ZNF626: variants seen among roughly 807,000 people sequenced by gnomAD.
The protein encoded by ZNF626 is CTC-513N18.7.
Under a neutral mutation model 11.7 loss-of-function variants are expected in ZNF626, and 4 were observed. That is an observed-to-expected ratio of 0.34 (90% CI 0.17 to 0.78). ZNF626 has a LOEUF of 0.78. ZNF626 is among the 30% of genes least tolerant of loss of function. ZNF626 has a pLI of 0.57. For synonymous variants in ZNF626, 179 were observed against 198.6 expected (o/e 0.90, Z 0.83); for missense variants, 588 against 587.1 (o/e 1.00, Z -0.01).
chr19:20,632,521 G>T (rs1199227677), intron 3 of ZNF626, among the ~76,000 whole-genome samples: 6 of 151,840 alleles, frequency 4.0e-5, no homozygotes, highest in Non-Finnish European at 7.4e-5. Flanking sequence ...TTCTCTTCTC[G>T]CTTCATTTCA....
chr19:20,638,497 T>G (rs1969989903), intron 3 of ZNF626, among the ~76,000 whole-genome samples: 1 of 151,468 alleles, frequency 6.6e-6, no homozygotes, highest in African/African-American at 2.4e-5. Flanking sequence ...TGAGTGGTTT[T>G]TTTAAAAAGC....
intron 3 of ZNF626, among the ~76,000 whole-genome samples, chr19:20,625,861 G>T (rs1367912490): frequency 6.6e-6 from 1 of 152,074 alleles, no homozygotes; most frequent in African/African-American, 2.4e-5. Context: ...AGTTGTGAAG[G>T]GCCCCAGGTG....
chr19:20,628,500 T>C (rs1969865988), intron 3 of ZNF626, among the ~76,000 whole-genome samples: 1 of 152,226 alleles, frequency 6.6e-6, no homozygotes, highest in Non-Finnish European at 1.5e-5. Flanking sequence ...TATCTCATTG[T>C]GGTTTTGATT....
In ZNF626 at chr19:20,622,946, C is replaced by G. The variant is rs2033271; in HGVS notation, c.*1344G>C. ...TCCAAATTCATTACATTTGCAGGACCCTTCTCCAATATAAGTTCTCTGATG... is the reference window on the plus strand; with the variant it reads ...TCCAAATTCATTACATTTGCAGGACGCTTCTCCAATATAAGTTCTCTGATG... On this transcript the variant is annotated 3_prime_UTR_variant, in exon 4 of 4. Transcript: ENST00000601440. 1 of 151,588 alleles carries G rather than the reference C, an allele frequency of 6.6e-6. No homozygotes were observed. Among genetic ancestry groups the G allele is most frequent in the South Asian group, 2.1e-4 (1 of 4,814 alleles). The allele number at this position is 151,588 out of a possible 1,614,324, so 9.4% of individuals were successfully genotyped here.
chr19:20,661,161 G>A (rs1192495314), intron 1 of ZNF626, among the ~76,000 whole-genome samples: 1 of 151,938 alleles, frequency 6.6e-6, no homozygotes, highest in East Asian at 1.9e-4. Context: ...CCTGGTCCCT[G>A]CACAATCTGG....
At chr19:20,632,273 T>C (rs1431990039) in intron 3 of ZNF626, among the ~76,000 whole-genome samples, 1 of 152,172 alleles carries the variant, frequency 6.6e-6, no homozygotes, top group African/African-American at 2.4e-5. Context: ...TGTCTTGGAA[T>C]TCCTCTTCTC....
At chr19:20,626,009 T>C (rs918049799) in intron 3 of ZNF626, among the ~76,000 whole-genome samples, 2 of 152,146 alleles carry the variant, frequency 1.3e-5, no homozygotes, top group African/African-American at 4.8e-5. Context: ...ACGCCTGTAG[T>C]CCCAGCATGT....
intron 1 of ZNF626, 104 bp from the exon 2 acceptor site, chr19:20,646,509 T>C (rs782049844): frequency 2.9e-5 from 46 of 1,567,010 alleles, no homozygotes; most frequent in South Asian, 1.5e-4. Flanking sequence ...TTCTGACTTA[T>C]AGGACTGACT....
At chr19:20,630,286 G>T (rs762068739) in intron 3 of ZNF626, among the ~76,000 whole-genome samples, 14 of 152,112 alleles carry the variant, frequency 9.2e-5, no homozygotes, top group Non-Finnish European at 1.6e-4. Flanking sequence ...GGATGATGCT[G>T]GCCTCACAAA....
chr19:20,643,371 C>A (rs201769879), intron 3 of ZNF626, among the ~76,000 whole-genome samples: 1 of 151,446 alleles, frequency 6.6e-6, no homozygotes, highest in Admixed American at 6.6e-5. Context: ...GAAATAAACT[C>A]ATTATTTATA....
intron 3 of ZNF626, among the ~76,000 whole-genome samples, chr19:20,626,918 G>A (rs1316687412): frequency 2.0e-5 from 3 of 152,102 alleles, no homozygotes; most frequent in East Asian, 3.9e-4. Context: ...GGGAGACAGA[G>A]GCCGGAGAAT....
chr19:20,626,271 A>G (rs1489562513), intron 3 of ZNF626, among the ~76,000 whole-genome samples: 1 of 152,326 alleles, frequency 6.6e-6, no homozygotes. Context: ...ACACAGCTAC[A>G]TTATAAAGAT....
intron 3 of ZNF626, among the ~76,000 whole-genome samples, chr19:20,636,416 AT>A (rs1420006925): frequency 1.3e-5 from 2 of 152,158 alleles, no homozygotes; most frequent in East Asian, 3.9e-4. Flanking sequence ...AAATGATGTG[AT>A]GTGACATTCC....
intron 1 of ZNF626, 33 bp from the exon 2 acceptor site, chr19:20,646,438 G>C: frequency 6.2e-7 from 1 of 1,613,282 alleles, no homozygotes; most frequent in Non-Finnish European, 8.5e-7. Flanking sequence ...TTTTTACCAA[G>C]TGGCCATGGG....
chr19:20,647,370 G>A (rs147656214), intron 1 of ZNF626, among the ~76,000 whole-genome samples: 2,517 of 151,748 alleles, frequency 0.017, 71 homozygotes, highest in African/African-American at 0.058. Flanking sequence ...ATAAAGATAC[G>A]TAATAATAAA....
In ZNF626 at chr19:20,645,725, G is replaced by A. The variant is rs782046725; in HGVS notation, c.185C>T (p.Pro62Leu). 6.2e-7 allele frequency: 1 copy of A among 1,611,816 alleles called. No homozygotes were observed. The highest frequency in any genetic ancestry group is 1.7e-4 in the Middle Eastern group (1 of 6,052). The change falls in exon 3 of 4, where the codon CCT (proline) becomes CTT (leucine). Residue 62 changes from proline to leucine, a missense_variant. Transcript: ENST00000601440. ...LITCLEQGRKPLTMKRNEMIA... is the reference protein window; with the variant it reads ...LITCLEQGRKLLTMKRNEMIA... ...CATCTCATTTCTCTTCATGGTCAAA[G>A]GTTTTCTTCCTTGCTCCAGACAGGT...
intron 3 of ZNF626, among the ~76,000 whole-genome samples, chr19:20,633,620 G>A (rs775339091): frequency 4.6e-5 from 7 of 152,146 alleles, no homozygotes; most frequent in African/African-American, 7.2e-5. Context: ...CTGGTGTGCC[G>A]TTTTTTAAGC....
chr19:20,629,958 T>C (rs538946603), intron 3 of ZNF626, among the ~76,000 whole-genome samples: 1 of 152,218 alleles, frequency 6.6e-6, no homozygotes, highest in Non-Finnish European at 1.5e-5. Flanking sequence ...GACCCATCAA[T>C]ACCTAATTTA....
In ZNF626 at chr19:20,625,337, T is replaced by G. The variant is rs73002662; in HGVS notation, c.540A>C (p.Lys180Asn). 152,094 of 1,613,828 alleles carry G rather than the reference T, an allele frequency of 0.094. 7,702 individuals carry two copies. Among genetic ancestry groups the G allele is most frequent in the Middle Eastern group, 0.17 (1,042 of 6,058 alleles). ...KKPFKYIECGKAFKQFSTLTT... is the reference protein window; with the variant it reads ...KKPFKYIECGNAFKQFSTLTT... ...TAAGAGTTGAGAACTGCTTAAAAGC[T>G]TTGCCACATTCTATATATTTGAAAG... The change falls in exon 4 of 4, where the codon AAA becomes AAC. Residue 180 changes from lysine (K) to asparagine (N), a missense_variant. This residue lies in a region of ZNF626 where 524 missense variants were observed against 470.1 expected (regional missense o/e 1.11). Coordinates refer to ENST00000601440, the MANE Select transcript of ZNF626 (RefSeq NM_001076675.3).
Sources: allele counts gnomAD v4.1 joint callset (sites outside exome capture counted in the v4.1 genomes callset), GRCh38; gene constraint gnomAD v4.1.1; regional missense constraint gnomAD v4.1.1; transcripts MANE v1.5; gene names NCBI Gene and HGNC (gene_info 2026-07-23, HGNC 2026-07-21).